Variants in ITGBL1 observed in about 807,000 individuals in gnomAD.
The protein encoded by ITGBL1 is integrin beta-like protein 1.
A neutral mutation model predicts 68.5 loss-of-function variants in ITGBL1; 51 were observed. The observed-to-expected ratio is 0.74, with a 90% CI of 0.59 to 0.94. ITGBL1 has a LOEUF of 0.94. Ranked by LOEUF, ITGBL1 falls within the 40% of genes least tolerant of loss-of-function variation. The pLI is 0.00. For synonymous variants in ITGBL1, 209 were observed against 227.3 expected, an observed-to-expected ratio of 0.92 and a Z score of 0.72; for missense variants, 649 against 647.4, an observed-to-expected ratio of 1.00 and a Z score of -0.03.
At chr13:101,667,115 T>C (rs953304053) in intron 7 of ITGBL1, among the ~76,000 whole-genome samples, 1 of 152,196 alleles carries the variant, frequency 6.6e-6, no homozygotes, top group Non-Finnish European at 1.5e-5. Context: ...TAGACTGCTA[T>C]ACATTCAAAA....
At chr13:101,470,471 C>G (rs150816779) in intron 2 of ITGBL1, among the ~76,000 whole-genome samples, 158 of 152,036 alleles carry the variant, frequency 1.0e-3, no homozygotes, top group African/African-American at 3.7e-3. Flanking sequence ...ATAAAGTAGA[C>G]GTGGTGTTTG....
intron 8 of ITGBL1, among the ~76,000 whole-genome samples, chr13:101,703,934 G>C (rs1195879333): frequency 6.6e-6 from 1 of 152,158 alleles, no homozygotes; most frequent in Non-Finnish European, 1.5e-5. Context: ...ATCTAAATAA[G>C]TAAGTTAACA....
Position 101,598,191 on chromosome 13 carries a change from G to T in ITGBL1, c.907G>T (p.Ala303Ser), listed in dbSNP as rs2030103232. Residue 303 changes from alanine to serine, a missense_variant, in exon 7 of 11, where the codon GCA (alanine) becomes TCA (serine). Transcript: ENST00000376180. ...TAATTGCGGAAGATGTGACTGCAAA[G>T]CAGGCTGGTATGGGAAGAAGTGTGA... is the stretch of plus-strand genomic sequence containing the variant. ...QCNCGRCDCK[A>S]GWYGKKCEHP... 1.9e-6 allele frequency: 3 copies of T among 1,613,674 alleles called. No individual in the cohort carries two copies. The South Asian group carries it at 3.3e-5, about 18-fold the overall frequency.
At chr13:101,695,452 C>G (rs570436265) in intron 8 of ITGBL1, among the ~76,000 whole-genome samples, 1 of 152,284 alleles carries the variant, frequency 6.6e-6, no homozygotes, top group African/African-American at 2.4e-5. Context: ...TGAGGCTTTA[C>G]TCTAAAGGTG....
chr13:101,491,472 G>T (rs192148606), intron 2 of ITGBL1, among the ~76,000 whole-genome samples: 21 of 152,208 alleles, frequency 1.4e-4, no homozygotes, highest in African/African-American at 4.8e-4. Flanking sequence ...GTCACATTAC[G>T]GTAGAGAGCC....
chr13:101,645,308 T>G (rs927325865), intron 7 of ITGBL1, among the ~76,000 whole-genome samples: 1 of 152,134 alleles, frequency 6.6e-6, no homozygotes, highest in Non-Finnish European at 1.5e-5. Context: ...AAAACGACAT[T>G]GCTTATTCTT....
chr13:101,457,036 T>G (rs1236824387), intron 2 of ITGBL1, among the ~76,000 whole-genome samples: 1 of 152,180 alleles, frequency 6.6e-6, no homozygotes, highest in Non-Finnish European at 1.5e-5. Context: ...TCTTCATCTG[T>G]AAAATGGGAA....
At chr13:101,524,623 GAGAT>G (rs962410540) in intron 2 of ITGBL1, among the ~76,000 whole-genome samples, 11 of 146,650 alleles carry the variant, frequency 7.5e-5, no homozygotes, top group African/African-American at 2.8e-4. Context: ...TTTTTAGTGA[GAGAT>G]AGATTGTAAA....
At chr13:101,641,897 C>CT (rs750518992) in intron 7 of ITGBL1, among the ~76,000 whole-genome samples, 55 of 151,646 alleles carry the variant, frequency 3.6e-4, no homozygotes, top group Non-Finnish European at 6.6e-4. Context: ...TGAACTCATC[C>CT]TTTTTTATGG....
intron 2 of ITGBL1, among the ~76,000 whole-genome samples, chr13:101,479,396 G>T (rs550392837): frequency 1.2e-4 from 19 of 152,012 alleles, no homozygotes; most frequent in Middle Eastern, 3.2e-3. Flanking sequence ...ACATCGGTCT[G>T]GGCAAAGATT....
At chr13:101,475,354 T>C (rs2139649821) in intron 2 of ITGBL1, among the ~76,000 whole-genome samples, 1 of 152,156 alleles carries the variant, frequency 6.6e-6, no homozygotes, top group South Asian at 2.1e-4. Flanking sequence ...AAAGAATTAG[T>C]GAGTTTGAAG....
intron 4 of ITGBL1, among the ~76,000 whole-genome samples, chr13:101,579,026 T>C (rs2050409561): frequency 6.6e-6 from 1 of 152,234 alleles, no homozygotes; most frequent in African/African-American, 2.4e-5. Flanking sequence ...GTCATTCATG[T>C]CATTTCTTTA....
rs374917193 is a variant in ITGBL1 at position 101,475,840 on chromosome 13, A to G, written c.316+21740A>G. ...AGGTGGGGAACAACTTTTATCCTAC[A>G]GTAACATATTCAGTGAAAATATCCT... On this transcript the variant is annotated intron_variant, in intron 2 of 10. Transcript: ENST00000376180. 2.2e-3 allele frequency among the ~76,000 whole-genome samples: 329 copies of G among 152,274 alleles called. 3 individuals carry two copies. The highest frequency in any genetic ancestry group is 7.8e-3 in the African/African-American group (322 of 41,542).
chr13:101,453,388 T>C (rs529867863), intron 1 of ITGBL1, among the ~76,000 whole-genome samples: 22 of 152,198 alleles, frequency 1.4e-4, no homozygotes, highest in Non-Finnish European at 1.6e-4. Flanking sequence ...TTAATGCAAA[T>C]TATGCCCGAT....
intron 2 of ITGBL1, among the ~76,000 whole-genome samples, chr13:101,519,193 C>T (rs1304235695): frequency 3.9e-5 from 6 of 151,902 alleles, no homozygotes; most frequent in Non-Finnish European, 5.9e-5. Flanking sequence ...AGACAGTACC[C>T]GGGCCTCTGC....
intron 7 of ITGBL1, among the ~76,000 whole-genome samples, chr13:101,688,578 G>A (rs2139545237): frequency 6.6e-6 from 1 of 152,250 alleles, no homozygotes; most frequent in South Asian, 2.1e-4. Context: ...GTTACATGGG[G>A]CCATCAGAGG....
intron 2 of ITGBL1, among the ~76,000 whole-genome samples, chr13:101,492,689 T>C (rs1188400206): frequency 6.6e-6 from 1 of 152,172 alleles, no homozygotes. Context: ...TTTCTTTCCC[T>C]TGCTGCCCTC....
At chr13:101,485,409 T>C (rs2048687079) in intron 2 of ITGBL1, among the ~76,000 whole-genome samples, 1 of 152,070 alleles carries the variant, frequency 6.6e-6, no homozygotes, top group Non-Finnish European at 1.5e-5. Flanking sequence ...AAAAAAGATA[T>C]ACAAACAGCT....
chr13:101,610,477 C>T (rs755308292), intron 7 of ITGBL1, among the ~76,000 whole-genome samples: 1 of 152,156 alleles, frequency 6.6e-6, no homozygotes, highest in African/African-American at 2.4e-5. Flanking sequence ...ATACAGACAA[C>T]ATGTACATCA....
Sources: allele counts gnomAD v4.1 joint callset (sites outside exome capture counted in the v4.1 genomes callset), GRCh38; gene constraint gnomAD v4.1.1; transcripts MANE v1.5; gene names NCBI Gene and HGNC (gene_info 2026-07-23, HGNC 2026-07-21).